Variants in NELL1 observed in about 807,000 individuals in gnomAD.
NELL1 encodes protein kinase C-binding protein NELL1.
NELL1 carries 76 observed loss-of-function variants against 107.4 expected under a neutral mutation model. The observed-to-expected ratio is 0.71, with a 90% CI of 0.59 to 0.86. The LOEUF (loss-of-function observed/expected upper bound fraction) is 0.86. Among genes scored for constraint, NELL1 ranks in the 40% least tolerant of loss-of-function variants. The pLI, the probability that NELL1 is intolerant of heterozygous loss-of-function variation, is 0.00. For missense variants in NELL1, 1,024 were observed against 1,005.5 expected (o/e 1.02, Z -0.25); for synonymous variants, 353 against 341.2 (o/e 1.03, Z -0.38).
At chr11:21,262,407 A>T (rs1848553148) in intron 14 of NELL1, 1 of 151,892 alleles carries the variant, frequency 6.6e-6, no homozygotes, top group Admixed American at 6.6e-5. Context: ...GAAAGACTAC[A>T]TGGGAGATGA....
chr11:20,801,907 G>T (rs1474563131), intron 3 of NELL1, among the ~76,000 whole-genome samples: 3 of 152,042 alleles, frequency 2.0e-5, no homozygotes, highest in Non-Finnish European at 4.4e-5. Flanking sequence ...GTATGAATTT[G>T]TTCTTGTGTT....
chr11:20,826,540 C>A (rs1478724872), intron 3 of NELL1, among the ~76,000 whole-genome samples: 1 of 151,396 alleles, frequency 6.6e-6, no homozygotes, highest in South Asian at 2.1e-4. Flanking sequence ...AGCTGGCATT[C>A]TCTGCCTCCA....
chr11:21,485,760 C>T (rs939356247), intron 15 of NELL1, among the ~76,000 whole-genome samples: 2 of 151,944 alleles, frequency 1.3e-5, no homozygotes, highest in African/African-American at 4.8e-5. Flanking sequence ...ACAGACAGTG[C>T]CAGAACATCC....
At chr11:21,195,768 T>C (rs192844346) in intron 13 of NELL1, among the ~76,000 whole-genome samples, 38 of 152,266 alleles carry the variant, frequency 2.5e-4, no homozygotes, top group African/African-American at 8.7e-4. Context: ...CAAGCCATAT[T>C]TGAAGGGCTC....
chr11:20,999,825 C>T (rs957677155), intron 12 of NELL1, among the ~76,000 whole-genome samples: 1 of 151,908 alleles, frequency 6.6e-6, no homozygotes, highest in Admixed American at 6.6e-5. Context: ...TGTCTCTCAG[C>T]TTCAGTCAAT....
intron 12 of NELL1, among the ~76,000 whole-genome samples, chr11:20,976,220 G>A (rs955840833): frequency 1.1e-4 from 17 of 150,918 alleles, no homozygotes; most frequent in Middle Eastern, 3.5e-3. Context: ...AGATATGTGT[G>A]TGTATATATA....
intron 13 of NELL1, among the ~76,000 whole-genome samples, chr11:21,220,282 G>T (rs184576755): frequency 6.6e-6 from 1 of 152,142 alleles, no homozygotes; most frequent in Admixed American, 6.5e-5. Flanking sequence ...ATATTTTGAA[G>T]TCAGGTAGTG....
At chr11:21,572,443 G>A in intron 18 of NELL1, among the ~76,000 whole-genome samples, 1 of 137,212 alleles carries the variant, frequency 7.3e-6, no homozygotes, top group African/African-American at 3.6e-5. Context: ...AAAGCCCACA[G>A]TCTTATGGAG....
chr11:21,235,143 G>C (rs1273514329), intron 14 of NELL1, among the ~76,000 whole-genome samples: 1 of 152,122 alleles, frequency 6.6e-6, no homozygotes, highest in African/African-American at 2.4e-5. Flanking sequence ...CAATCTAAAA[G>C]TCTGCCCTTA....
rs569123669 is a variant in NELL1, at chr11:21,147,019, G to A, written c.1426+33305G>A. On this transcript the variant is annotated intron_variant, in intron 13 of 19. Coordinates refer to ENST00000357134, the MANE Select transcript of NELL1 (RefSeq NM_006157.5). ...AGATTGCACCACTGCGCTCCAGCGT[G>A]GGTGACAGAGCCAGACTCCTTCTCA... Among the ~76,000 whole-genome samples, 5 of 152,296 alleles carry A rather than the reference G, an allele frequency of 3.3e-5. No homozygotes were observed. In the South Asian group the frequency reaches 1.0e-3, roughly 32 times the overall value.
intron 15 of NELL1, among the ~76,000 whole-genome samples, chr11:21,487,928 A>G (rs1383000671): frequency 6.6e-6 from 1 of 152,192 alleles, no homozygotes; most frequent in Non-Finnish European, 1.5e-5. Flanking sequence ...AATGTAAAAA[A>G]GTCAGAGAAT....
intron 14 of NELL1, among the ~76,000 whole-genome samples, chr11:21,236,389 G>A (rs1858207938): frequency 6.7e-6 from 1 of 149,102 alleles, no homozygotes; most frequent in African/African-American, 2.5e-5. Context: ...TGCTCTTGTA[G>A]CTTGGTGTAT....
intron 12 of NELL1, among the ~76,000 whole-genome samples, chr11:20,975,834 C>CATATT (rs201909995): frequency 1.9e-4 from 22 of 117,210 alleles, no homozygotes; most frequent in Non-Finnish European, 3.4e-4. Context: ...TATATATGTA[C>CATATT]ATATGTGTAT....
At chr11:21,219,807 A>G (rs1451860541) in intron 13 of NELL1, among the ~76,000 whole-genome samples, 1 of 152,170 alleles carries the variant, frequency 6.6e-6, no homozygotes, top group Non-Finnish European at 1.5e-5. Context: ...CTGCTCTCAC[A>G]TTGCTATTAA....
At chr11:20,930,094 G>C (rs1390819388) in intron 9 of NELL1, among the ~76,000 whole-genome samples, 1 of 151,976 alleles carries the variant, frequency 6.6e-6, no homozygotes, top group African/African-American at 2.4e-5. Context: ...GTTGTTGTTT[G>C]GACATGGAAG....
At chr11:21,434,214 T>C (rs1853044882) in intron 15 of NELL1, among the ~76,000 whole-genome samples, 1 of 152,184 alleles carries the variant, frequency 6.6e-6, no homozygotes, top group Non-Finnish European at 1.5e-5. Flanking sequence ...CATTTGCCTA[T>C]TTTTGTTTTT....
chr11:20,863,404 C>T (rs1296778778), intron 4 of NELL1, among the ~76,000 whole-genome samples: 3 of 81,444 alleles, frequency 3.7e-5, no homozygotes, highest in Non-Finnish European at 1.0e-4. Context: ...GGCTGCCAGG[C>T]GGAGACGCTC....
intron 2 of NELL1, among the ~76,000 whole-genome samples, chr11:20,697,784 G>T (rs1302719737): frequency 6.6e-6 from 1 of 152,144 alleles, no homozygotes; most frequent in Admixed American, 6.6e-5. Context: ...ATGGTCTTTG[G>T]GGGAGGTGGC....
intron 2 of NELL1, among the ~76,000 whole-genome samples, chr11:20,755,878 T>G (rs1343522489): frequency 7.6e-4 from 7 of 9,230 alleles, no homozygotes; most frequent in African/African-American, 1.1e-3. Context: ...TTTTTTTTTT[T>G]TTTTTTTTTT....
Sources: gnomAD v4.1 joint callset for allele counts (sites outside exome capture counted in the v4.1 genomes callset) on GRCh38, gnomAD v4.1.1 for gene constraint, MANE v1.5 for transcripts, NCBI Gene and HGNC (gene_info 2026-07-23, HGNC 2026-07-21) for gene names.